The following NFAM1 variants were observed in gnomAD, a reference collection of about 807,000 sequenced individuals.
NFAM1 encodes NFAT activating protein with ITAM motif 1, also known as NFAT activation molecule 1.
Under a neutral mutation model 29.0 loss-of-function variants are expected in NFAM1, and 17 were observed. The observed-to-expected ratio is 0.59, with a 90% CI of 0.40 to 0.88. NFAM1 has a LOEUF of 0.88. NFAM1 is among the 40% of genes least tolerant of loss of function. NFAM1 has a pLI of 0.00. For synonymous variants in NFAM1, 175 were observed against 147.2 expected (o/e 1.19, Z -1.36); for missense variants, 324 against 344.6 (o/e 0.94, Z 0.47).
chr22:42,416,689 G>A (rs1601755143), intron 1 of NFAM1, among the ~76,000 whole-genome samples: 1 of 152,308 alleles, frequency 6.6e-6, no homozygotes, highest in East Asian at 1.9e-4. Context: ...GGCTGAGAGG[G>A]GCTTTAGCGG....
intron 3 of NFAM1, among the ~76,000 whole-genome samples, chr22:42,404,032 C>T (rs1929811789): frequency 1.3e-5 from 2 of 152,120 alleles, no homozygotes; most frequent in African/African-American, 4.8e-5. Context: ...TGTGGGTCAT[C>T]CATTCCTGGG....
rs35045065 is a variant in NFAM1 at position 42,402,831 on chromosome 22, CTTTTTTTTTT to C, written c.565-4885_565-4876del. On this transcript the variant is annotated intron_variant, in intron 3 of 5. Coordinates refer to ENST00000329021, the MANE Select transcript of NFAM1 (RefSeq NM_145912.8). ...ACCCACACCGGTCCCTCTGTGCCTTCTTTTTTTTTTTTTTTTTTTTTTGAGATGGAGTTTT... is the reference window on the plus strand; with the variant it reads ...ACCCACACCGGTCCCTCTGTGCCTTCTTTTTTTTTTTTGAGATGGAGTTTT... Among the ~76,000 whole-genome samples, 227 of 97,122 alleles carry C rather than the reference CTTTTTTTTTT, an allele frequency of 2.3e-3. 2 individuals are homozygous for C. Among genetic ancestry groups the C allele is most frequent in the African/African-American group, 1.0e-2 (214 of 21,402 alleles). The allele number at this position is 97,122 out of a possible 152,430, so 63.7% of individuals were successfully genotyped here.
chr22:42,424,218 A>C (rs1930543487), intron 1 of NFAM1, among the ~76,000 whole-genome samples: 1 of 152,196 alleles, frequency 6.6e-6, no homozygotes, highest in Non-Finnish European at 1.5e-5. Context: ...GATTGAGACC[A>C]TCCTGGCTAA....
intron 4 of NFAM1, among the ~76,000 whole-genome samples, chr22:42,387,863 A>C (rs1340135088): frequency 6.6e-6 from 1 of 152,088 alleles, no homozygotes; most frequent in African/African-American, 2.4e-5. Context: ...AGGAAGCCCG[A>C]GTCAGTATTG....
chr22:42,423,710 C>T (rs1275837258), intron 1 of NFAM1, among the ~76,000 whole-genome samples: 7 of 145,748 alleles, frequency 4.8e-5, no homozygotes, highest in Non-Finnish European at 8.9e-5. Context: ...CAGTATGAAA[C>T]CCCATCCCTC....
chr22:42,434,551 G>A (rs1930895459), upstream of NFAM1, among the ~76,000 whole-genome samples: 1 of 152,212 alleles, frequency 6.6e-6, no homozygotes, highest in Non-Finnish European at 1.5e-5. Context: ...CAGCAGCCCT[G>A]GCTGCGCTGT....
Position 42,383,322 on chromosome 22 carries a change from C to T in NFAM1, c.*1839G>A. 6.5e-6 allele frequency: 1 copy of T among 152,802 alleles called. No individual in the cohort carries two copies. The highest frequency in any genetic ancestry group is 2.4e-5 in the African/African-American group (1 of 41,584). 9.5% of individuals were successfully genotyped at this position (152,802 alleles called of 1,614,324 possible). Reference sequence around the variant, plus strand: ...ACTGCACCCTGAGCGGCATTGTCCCCCATTGCCCTGACCCTTGCCCCCACC... The same window carrying T: ...ACTGCACCCTGAGCGGCATTGTCCCTCATTGCCCTGACCCTTGCCCCCACC... On this transcript the variant is annotated 3_prime_UTR_variant, in exon 6 of 6. Transcript: ENST00000329021.
rs1402128414 is a variant in NFAM1 at position 42,419,989 on chromosome 22, GGTTTTTTTTTTT to G, written c.122-8265_122-8254del. The stretch of plus-strand genomic sequence containing the variant: ...CCTTTGAGTCTGTAATCCCACTCTT[GGTTTTTTTTTTT>G]TTTTTTTTTTTTTTTTTTTTTTTTT... On this transcript the variant is annotated intron_variant, in intron 1 of 5. Transcript: ENST00000329021. The surrounding 1 kb of genome is among the most constrained non-coding windows in gnomAD (Gnocchi z 4.5). 5.5e-4 allele frequency among the ~76,000 whole-genome samples: 31 copies of G among 56,528 alleles called. 2 individuals are homozygous for G. The highest frequency in any genetic ancestry group is 7.1e-4 in the Non-Finnish European group (21 of 29,690). 37.1% of individuals were successfully genotyped at this position (56,528 alleles called of 152,430 possible).
chr22:42,429,218 G>A (rs1930718974), intron 1 of NFAM1, among the ~76,000 whole-genome samples: 1 of 152,228 alleles, frequency 6.6e-6, no homozygotes, highest in African/African-American at 2.4e-5. Context: ...TCCTCAGGAT[G>A]TGTTTAGGCA....
intron 5 of NFAM1, 38 bp from the exon 6 acceptor site, chr22:42,385,258 G>A (rs769019946): frequency 1.3e-5 from 18 of 1,377,784 alleles, no homozygotes; most frequent in Non-Finnish European, 1.7e-5. Flanking sequence ...AGGAGAGAAA[G>A]AGAGAGAATG....
chr22:42,432,290 G>A lies in NFAM1; in HGVS notation c.68C>T (p.Ala23Val), dbSNP rs1438618405. The change falls in exon 1 of 6, where the codon GCC becomes GTC. Residue 23 changes from alanine (A) to valine (V), a missense_variant. Ala to Val is a moderately conservative substitution (Grantham distance 64, BLOSUM62 0). Coordinates refer to ENST00000329021, the MANE Select transcript of NFAM1 (RefSeq NM_145912.8). ...GLPRPPGLPA[A>V]PWLLLGVLLL... ...CAGCACGCCAAGGAGGAGCCAGGGG[G>A]CTGCGGGGAGCCCAGGAGGGCGTGG... 7 of 1,572,584 alleles carry A rather than the reference G, an allele frequency of 4.5e-6. No homozygotes were observed. Among genetic ancestry groups the A allele is most frequent in the Non-Finnish European group, 6.0e-6 (7 of 1,158,626 alleles).
intron 2 of NFAM1, among the ~76,000 whole-genome samples, chr22:42,410,741 C>T (rs1204630365): frequency 6.6e-6 from 1 of 151,986 alleles, no homozygotes; most frequent in Non-Finnish European, 1.5e-5. Flanking sequence ...CAAGTGCTCA[C>T]ATACACGAGG....
At chr22:42,407,686 T>A (rs1458819744) in intron 3 of NFAM1, among the ~76,000 whole-genome samples, 2 of 152,274 alleles carry the variant, frequency 1.3e-5, no homozygotes, top group African/African-American at 4.8e-5. Flanking sequence ...CCTCCTGGGC[T>A]CAAGCGATCC....
At chr22:42,399,661 G>T (rs564808231) in intron 3 of NFAM1, among the ~76,000 whole-genome samples, 1 of 152,194 alleles carries the variant, frequency 6.6e-6, no homozygotes. Flanking sequence ...AGGCTGGGCC[G>T]GGCCTGCTGG....
intron 1 of NFAM1, among the ~76,000 whole-genome samples, chr22:42,424,576 C>T (rs867334787): frequency 2.0e-5 from 3 of 152,310 alleles, no homozygotes; most frequent in Middle Eastern, 3.4e-3. Flanking sequence ...TCTTCCCATC[C>T]CTTTACGAAG....
intron 3 of NFAM1, among the ~76,000 whole-genome samples, chr22:42,402,365 A>G (rs915523605): frequency 1.3e-5 from 2 of 152,298 alleles, no homozygotes; most frequent in Non-Finnish European, 2.9e-5. Context: ...GCTGTGGACC[A>G]TGGTCTGGAG....
chr22:42,435,354 T>C (rs1016751441), upstream of NFAM1, among the ~76,000 whole-genome samples: 4 of 151,122 alleles, frequency 2.6e-5, no homozygotes, highest in African/African-American at 9.7e-5. Context: ...CTTTCTTTTT[T>C]TTTTTTTTTT....
chr22:42,401,937 C>T (rs1054199145), intron 3 of NFAM1, among the ~76,000 whole-genome samples: 2 of 152,370 alleles, frequency 1.3e-5, no homozygotes, highest in East Asian at 1.9e-4. Context: ...TCCAGGTCCT[C>T]GCATGCATTT....
chr22:42,412,466 G>A (rs757714237), intron 1 of NFAM1, among the ~76,000 whole-genome samples: 4 of 152,218 alleles, frequency 2.6e-5, no homozygotes, highest in African/African-American at 9.6e-5. Flanking sequence ...TCAGCAGGTA[G>A]AGAGTGGAGC....
Sources: gnomAD v4.1 joint callset for allele counts (sites outside exome capture counted in the v4.1 genomes callset) on GRCh38, gnomAD v4.1.1 for gene constraint, Gnocchi (gnomAD v3.1) non-coding constraint, MANE v1.5 for transcripts, NCBI Gene and HGNC (gene_info 2026-07-23, HGNC 2026-07-21) for gene names.